Variants in ELOVL4 observed in about 807,000 individuals in gnomAD.
ELOVL4 encodes the protein ELOVL fatty acid elongase 4.
In ELOVL4, 18 loss-of-function variants were observed where a neutral mutation model predicts 42.1. That is an observed-to-expected ratio of 0.43 (90% confidence interval 0.30 to 0.63). The LOEUF (loss-of-function observed/expected upper bound fraction) is 0.63, where lower values mean the gene tolerates loss of function less well. Among genes scored for constraint, ELOVL4 ranks in the 30% least tolerant of loss-of-function variants. ELOVL4 has a pLI of 0.15. For missense variants in ELOVL4, 299 were observed against 376.2 expected, an observed-to-expected ratio of 0.79 and a Z score of 1.70; for synonymous variants, 117 against 127.0, an observed-to-expected ratio of 0.92 and a Z score of 0.53.
chr6:79,939,843 C>G (rs1165395218), intron 1 of ELOVL4, among the ~76,000 whole-genome samples: 2 of 152,110 alleles, frequency 1.3e-5, no homozygotes, highest in African/African-American at 4.8e-5. Flanking sequence ...TAAGTGGAAC[C>G]ATAATGCCAC....
At chr6:79,935,134 T>G (rs1774522282) in intron 1 of ELOVL4, among the ~76,000 whole-genome samples, 1 of 152,114 alleles carries the variant, frequency 6.6e-6, no homozygotes, top group Non-Finnish European at 1.5e-5. Context: ...AATCTAATAG[T>G]TTTCAACTAA....
chr6:79,928,783 A>G (rs527484759), intron 1 of ELOVL4, among the ~76,000 whole-genome samples: 1 of 123,842 alleles, frequency 8.1e-6, no homozygotes, highest in East Asian at 2.3e-4. Flanking sequence ...TCTATTGTCC[A>G]GACTAGAGGG....
At chr6:79,916,972 G>T in intron 5 of ELOVL4, 89 bp from the exon 6 acceptor site, 1 of 1,530,044 alleles carries the variant, frequency 6.5e-7, no homozygotes, top group Non-Finnish European at 8.9e-7. Flanking sequence ...AGCTATCACA[G>T]GCCCAAATTT....
At chr6:79,923,769 T>C (rs1190925326) in intron 3 of ELOVL4, among the ~76,000 whole-genome samples, 1 of 152,184 alleles carries the variant, frequency 6.6e-6, no homozygotes, top group African/African-American at 2.4e-5. Context: ...CAATACATAT[T>C]TAATGAATAA....
chr6:79,945,452 T>C (rs987387188), intron 1 of ELOVL4, among the ~76,000 whole-genome samples: 1 of 152,202 alleles, frequency 6.6e-6, no homozygotes, highest in African/African-American at 2.4e-5. Flanking sequence ...CAGGAAGGAA[T>C]TCACCATCAC....
intron 1 of ELOVL4, among the ~76,000 whole-genome samples, chr6:79,928,741 T>TTTTTTTTG (rs1370898659): frequency 2.1e-5 from 3 of 142,508 alleles, no homozygotes; most frequent in African/African-American, 8.1e-5. Flanking sequence ...TTTTTTTTTT[T>TTTTTTTTG]TTTTTTTTTT....
At chr6:79,937,619 A>T (rs1447183843) in intron 1 of ELOVL4, among the ~76,000 whole-genome samples, 2 of 146,664 alleles carry the variant, frequency 1.4e-5, no homozygotes, top group Non-Finnish European at 2.9e-5. Context: ...CCTGACACTT[A>T]GTAAGCATCC....
chr6:79,924,847 A>C, intron 3 of ELOVL4, 105 bp downstream of exon 3: 1 of 760,692 alleles, frequency 1.3e-6, no homozygotes, highest in South Asian at 1.5e-5. Flanking sequence ...AATGAATGTT[A>C]AAGAAACTGT....
intron 1 of ELOVL4, among the ~76,000 whole-genome samples, chr6:79,936,125 C>T (rs1480997686): frequency 1.3e-5 from 2 of 152,198 alleles, no homozygotes; most frequent in African/African-American, 4.8e-5. Context: ...AAATCAGCCA[C>T]TTCCTCATCT....
chr6:79,926,238 A>ATC lies in ELOVL4; in HGVS notation c.243_244insGA (p.Tyr82AspfsTer44). On this transcript the variant is annotated frameshift_variant, in exon 2 of 6. Coordinates refer to ENST00000369816, the MANE Select transcript of ELOVL4 (RefSeq NM_022726.4). LOFTEE classifies it high-confidence loss of function. ...TTAAGCAAAACCATCCCAAAATTAT[A>ATC]GATAATGAGCACTAGACGCATCTGA... 6.2e-7 allele frequency: 1 copy of ATC among 1,613,952 alleles called. No homozygotes were observed. Among genetic ancestry groups the ATC allele is most frequent in the Non-Finnish European group, 8.5e-7 (1 of 1,179,924 alleles).
At chr6:79,931,182 T>G (rs1373252837) in intron 1 of ELOVL4, among the ~76,000 whole-genome samples, 1 of 152,222 alleles carries the variant, frequency 6.6e-6, no homozygotes, top group African/African-American at 2.4e-5. Flanking sequence ...TTATATTTTA[T>G]ACTATTAATA....
At chr6:79,930,255 C>T (rs185748424) in intron 1 of ELOVL4, among the ~76,000 whole-genome samples, 9 of 152,290 alleles carry the variant, frequency 5.9e-5, no homozygotes, top group African/African-American at 2.2e-4. Context: ...CTTAACAAAT[C>T]CCTGTTTTCA....
At chr6:79,920,651 T>C (rs1168284855) in intron 4 of ELOVL4, among the ~76,000 whole-genome samples, 2 of 152,196 alleles carry the variant, frequency 1.3e-5, no homozygotes, top group Non-Finnish European at 2.9e-5. Flanking sequence ...AAAATAATTT[T>C]ATGCATTAAA....
At chr6:79,918,523 T>C (rs949476031) in intron 5 of ELOVL4, among the ~76,000 whole-genome samples, 1 of 152,230 alleles carries the variant, frequency 6.6e-6, no homozygotes, top group Non-Finnish European at 1.5e-5. Context: ...CGGTTACAAA[T>C]GAATCCTTCG....
chr6:79,926,334 G>C lies in ELOVL4; in HGVS notation c.148C>G (p.Leu50Val). The change falls in exon 2 of 6, where the codon CTA becomes GTA. Residue 50 changes from leucine (L) to valine (V), a missense_variant. Coordinates refer to ENST00000369816, the MANE Select transcript of ELOVL4 (RefSeq NM_022726.4). ...WPLMQSPWPT[L>V]SISTLYLLFV... is the part of the protein sequence containing the mutation. The stretch of plus-strand genomic sequence containing the variant: ...AGGAGATAAAGAGTGCTTATACTTA[G>C]TGTAGGCCAAGGAGACTGCATCAGA... The C allele has an allele frequency of 1.2e-6, 2 of 1,614,030 alleles. No homozygotes were observed. Among genetic ancestry groups the C allele is most frequent in the Non-Finnish European group, 1.7e-6 (2 of 1,179,962 alleles).
chr6:79,944,719 G>A (rs1226668926), intron 1 of ELOVL4, among the ~76,000 whole-genome samples: 1 of 152,150 alleles, frequency 6.6e-6, no homozygotes, highest in East Asian at 1.9e-4. Context: ...TGTAACTACA[G>A]CACTAGGAAT....
At chr6:79,934,485 G>A (rs1025601251) in intron 1 of ELOVL4, among the ~76,000 whole-genome samples, 1 of 152,142 alleles carries the variant, frequency 6.6e-6, no homozygotes, top group Middle Eastern at 3.4e-3. Flanking sequence ...TGGATACCAC[G>A]ACGTCATGCA....
chr6:79,930,005 G>A (rs1774416347), intron 1 of ELOVL4, among the ~76,000 whole-genome samples: 1 of 152,136 alleles, frequency 6.6e-6, no homozygotes, highest in African/African-American at 2.4e-5. Flanking sequence ...AAGCACATTT[G>A]TTGATATTCA....
In ELOVL4 at chr6:79,916,480, C is replaced by G; in HGVS notation, c.*128G>C. 9.9e-7 allele frequency: 1 copy of G among 1,014,336 alleles called. No individual in the cohort carries two copies. Among genetic ancestry groups the G allele is most frequent in the Non-Finnish European group, 1.5e-6 (1 of 654,582 alleles). The allele number at this position is 1,014,336 out of a possible 1,614,324, so 62.8% of individuals were successfully genotyped here. A position where few individuals can be genotyped will look rare whatever the true frequency, so the allele number is the denominator to read the frequency against. On this transcript the variant is annotated 3_prime_UTR_variant, in exon 6 of 6. Coordinates refer to ENST00000369816, the MANE Select transcript of ELOVL4 (RefSeq NM_022726.4). ...AACACTTTACTCAGTCTAAGAGTTA[C>G]TAGGACATAGAGCACATTTGTCTTT...
Sources: gnomAD v4.1 joint callset for allele counts (sites outside exome capture counted in the v4.1 genomes callset) on GRCh38, gnomAD v4.1.1 for gene constraint, MANE v1.5 for transcripts, NCBI Gene and HGNC (gene_info 2026-07-23, HGNC 2026-07-21) for gene names.